Variants in SLC4A4 observed in about 807,000 individuals in gnomAD.
SLC4A4 encodes electrogenic sodium bicarbonate cotransporter 1.
SLC4A4 carries 27 observed loss-of-function variants against 111.5 expected under a neutral mutation model. That is an observed-to-expected ratio of 0.24 (90% CI 0.18 to 0.33). The LOEUF is 0.33. Among genes scored for constraint, SLC4A4 ranks in the 10% least tolerant of loss-of-function variants. The pLI is 1.00. For missense variants in SLC4A4, 909 were observed against 1,315.5 expected, an observed-to-expected ratio of 0.69 and a Z score of 4.78; for synonymous variants, 443 against 463.4, an observed-to-expected ratio of 0.96 and a Z score of 0.57.
intron 6 of SLC4A4, among the ~76,000 whole-genome samples, chr4:71,388,925 A>C (rs1417732846): frequency 6.6e-6 from 1 of 152,232 alleles, no homozygotes; most frequent in Non-Finnish European, 1.5e-5. Context: ...TCAATGAATT[A>C]GAGCATTTTG....
chr4:71,324,025 G>A lies in SLC4A4; in HGVS notation c.254-15345G>A, dbSNP rs1578837371. On this transcript the variant is annotated intron_variant, in intron 3 of 25. Transcript: ENST00000264485. ...TGCAGATAGAGGGCATCAACAGAGG[G>A]CTGTAGCCAAAAGAATCAATATGTG... Among the ~76,000 whole-genome samples the A allele has an allele frequency of 3.3e-5, 5 of 152,068 alleles. 1 individual carries two copies. Among genetic ancestry groups the A allele is most frequent in the Admixed American group, 3.3e-4 (5 of 15,250 alleles).
chr4:71,158,097 CTGTGTGTGTGTGTGTGTGTG>C (rs139897656), intron 2 of SLC4A4, among the ~76,000 whole-genome samples: 6 of 137,074 alleles, frequency 4.4e-5, no homozygotes, highest in African/African-American at 1.1e-4. Context: ...ATCCTTGACT[CTGTGTGTGTGTGTGTGTGTG>C]TGTGTGTGTG....
chr4:71,240,571 T>C (rs1332010864), intron 2 of SLC4A4, among the ~76,000 whole-genome samples: 3 of 152,300 alleles, frequency 2.0e-5, no homozygotes, highest in Non-Finnish European at 4.4e-5. Flanking sequence ...AATGGAAGAA[T>C]AATTCTACAA....
intron 6 of SLC4A4, among the ~76,000 whole-genome samples, chr4:71,395,902 T>G (rs1719781871): frequency 6.6e-6 from 1 of 152,220 alleles, no homozygotes; most frequent in African/African-American, 2.4e-5. Context: ...TGCTTTAGGA[T>G]TGTATAATTC....
chr4:71,165,059 G>A (rs968575348), intron 2 of SLC4A4, among the ~76,000 whole-genome samples: 2 of 152,192 alleles, frequency 1.3e-5, no homozygotes, highest in African/African-American at 2.4e-5. Flanking sequence ...AACAACAAAT[G>A]CTGGAGAGGA....
Position 71,567,866 on chromosome 4 carries a change from G to A in SLC4A4, c.*115G>A, listed in dbSNP as rs1453416278. The A allele has an allele frequency of 1.3e-6, 2 of 1,532,586 alleles. No homozygotes were observed. The highest frequency in any genetic ancestry group is 2.0e-5 in the Admixed American group (1 of 49,470). The allele number at this position is 1,532,586 out of a possible 1,614,324, so 94.9% of individuals were successfully genotyped here. A position where few individuals can be genotyped will look rare whatever the true frequency, so the allele number is the denominator to read the frequency against. On this transcript the variant is annotated 3_prime_UTR_variant, in exon 26 of 26. Coordinates refer to ENST00000264485, the MANE Select transcript of SLC4A4 (RefSeq NM_001098484.3). ...CTGAAGACAATGATTATTTCTGGAGGAGCAAGGGAACAGAAACTACATTGT... is the reference window on the plus strand; with the variant it reads ...CTGAAGACAATGATTATTTCTGGAGAAGCAAGGGAACAGAAACTACATTGT...
At chr4:71,380,138 C>G (rs1717971261) in intron 6 of SLC4A4, among the ~76,000 whole-genome samples, 1 of 152,184 alleles carries the variant, frequency 6.6e-6, no homozygotes, top group African/African-American at 2.4e-5. Context: ...AGCTCTGCTG[C>G]TTTTCTGTGG....
At chr4:71,346,198 C>T (rs1729312726) in intron 4 of SLC4A4, among the ~76,000 whole-genome samples, 1 of 151,916 alleles carries the variant, frequency 6.6e-6, no homozygotes, top group Non-Finnish European at 1.5e-5. Flanking sequence ...TTGGCAGTCA[C>T]TGAAAATGTC....
intron 6 of SLC4A4, among the ~76,000 whole-genome samples, chr4:71,361,200 G>A (rs952088910): frequency 6.6e-5 from 10 of 152,102 alleles, no homozygotes; most frequent in Non-Finnish European, 1.0e-4. Flanking sequence ...ACTCACGCAC[G>A]CACACGTTCA....
intron 7 of SLC4A4, among the ~76,000 whole-genome samples, chr4:71,422,459 A>G (rs1247847857): frequency 1.3e-5 from 2 of 151,676 alleles, no homozygotes; most frequent in African/African-American, 4.9e-5. Flanking sequence ...TCAATAGAAA[A>G]AGAGGGAATC....
intron 11 of SLC4A4, among the ~76,000 whole-genome samples, chr4:71,452,539 C>A (rs1725862758): frequency 6.6e-6 from 1 of 152,094 alleles, no homozygotes; most frequent in African/African-American, 2.4e-5. Context: ...GATGGACGAT[C>A]CTAATAAAAT....
rs752542956 is a variant in SLC4A4, at chr4:71,472,983, C to T, written c.1903+13C>T. On this transcript the variant is annotated intron_variant, in intron 14 of 25. Coordinates refer to ENST00000264485, the MANE Select transcript of SLC4A4 (RefSeq NM_001098484.3). The stretch of plus-strand genomic sequence containing the variant: ...CCACCTGACCCAGGTGAGGGCATTA[C>T]GCTTTGTGTTTATGCTCGCTTTGTA... 5.6e-6 allele frequency: 9 copies of T among 1,612,778 alleles called. No individual in the cohort carries two copies. The highest frequency in any genetic ancestry group is 1.7e-4 in the Middle Eastern group (1 of 6,050).
intron 6 of SLC4A4, 31 bp downstream of exon 6, chr4:71,357,218 C>G (rs1730362428): frequency 6.2e-7 from 1 of 1,601,276 alleles, no homozygotes. Context: ...CTGCTGCTTT[C>G]TCTTACTTAT....
Position 71,450,386 on chromosome 4 carries a change from T to C in SLC4A4, c.1054-3T>C, listed in dbSNP as rs1725653255. On this transcript the variant is annotated splice_region_variant and splice_polypyrimidine_tract_variant and intron_variant, in intron 9 of 25. Coordinates refer to ENST00000264485, the MANE Select transcript of SLC4A4 (RefSeq NM_001098484.3). ...GATGAGCACATCTTTTATTATTCTT[T>C]AGGTGTTCCATGACATTGCTTATAA... The C allele has an allele frequency of 6.2e-7, 1 of 1,603,236 alleles. No individual in the cohort carries two copies.
At chr4:71,087,341 T>C (rs1213675673) in intron 1 of SLC4A4, among the ~76,000 whole-genome samples, 2 of 151,954 alleles carry the variant, frequency 1.3e-5, no homozygotes, top group African/African-American at 2.4e-5. Flanking sequence ...TTTGTTGATC[T>C]TTTCAAAAAA....
At chr4:71,171,420 T>C (rs1283968164) in intron 2 of SLC4A4, among the ~76,000 whole-genome samples, 1 of 152,188 alleles carries the variant, frequency 6.6e-6, no homozygotes, top group African/African-American at 2.4e-5. Flanking sequence ...GCTTCGTAAC[T>C]TTGGTACTTG....
chr4:71,275,083 C>T (rs1008251629), intron 3 of SLC4A4, among the ~76,000 whole-genome samples: 4 of 152,054 alleles, frequency 2.6e-5, no homozygotes, highest in Admixed American at 6.5e-5. Flanking sequence ...GGATGTTTTG[C>T]TTCCTTCCTT....
intron 2 of SLC4A4, among the ~76,000 whole-genome samples, chr4:71,146,286 A>T (rs995570203): frequency 3.4e-4 from 51 of 152,202 alleles, no homozygotes; most frequent in African/African-American, 1.2e-3. Context: ...TCTGAGTTCT[A>T]GTTTGATTGC....
intron 16 of SLC4A4, among the ~76,000 whole-genome samples, chr4:71,517,115 A>G (rs1214961358): frequency 2.0e-5 from 3 of 152,090 alleles, no homozygotes; most frequent in South Asian, 2.1e-4. Flanking sequence ...TGACCTTCCT[A>G]TAGCTAGATA....
Sources: allele counts gnomAD v4.1 joint callset (sites outside exome capture counted in the v4.1 genomes callset), GRCh38; gene constraint gnomAD v4.1.1; transcripts MANE v1.5; gene names NCBI Gene and HGNC (gene_info 2026-07-23, HGNC 2026-07-21).